The following BLOC1S3 variants were observed in gnomAD, a reference collection of about 807,000 sequenced individuals.
BLOC1S3 encodes biogenesis of lysosome-related organelles complex 1 subunit 3.
A neutral mutation model predicts 9.1 loss-of-function variants in BLOC1S3; 7 were observed. The ratio of observed to expected loss-of-function variants is 0.77; its 90% CI spans 0.44 to 1.45. The LOEUF (loss-of-function observed/expected upper bound fraction) is 1.45, where lower values mean the gene tolerates loss of function less well. BLOC1S3 is among the 40% of genes most tolerant of loss of function. The pLI, the probability that BLOC1S3 is intolerant of heterozygous loss-of-function variation, is 0.01. For synonymous variants in BLOC1S3, 145 were observed against 158.4 expected (o/e 0.92, Z 0.64); for missense variants, 307 against 315.2 (o/e 0.97, Z 0.20).
At chr19:45,178,903 C>T (rs1969459818) in intron 1 of BLOC1S3, 72 bp downstream of exon 1, 1 of 187,114 alleles carries the variant, frequency 5.3e-6, no homozygotes, top group Non-Finnish European at 1.1e-5. Context: ...GACTGTCATC[C>T]TTTCTGCGAC....
At chr19:45,194,537 A>C (rs1276998372) in intron 2 of BLOC1S3, among the ~76,000 whole-genome samples, 20 of 152,202 alleles carry the variant, frequency 1.3e-4, no homozygotes. Context: ...GCTTAGATAA[A>C]TTGTTTGTAC....
intron 2 of BLOC1S3, among the ~76,000 whole-genome samples, chr19:45,194,108 T>C (rs1969629908): frequency 1.6e-5 from 1 of 64,480 alleles, no homozygotes; most frequent in Non-Finnish European, 3.1e-5. Context: ...TGGCCTTTTT[T>C]TTTTTTTTTT....
In BLOC1S3 at chr19:45,179,678, G is replaced by A; in HGVS notation, c.382G>A (p.Val128Met). 6.8e-7 allele frequency: 1 copy of A among 1,466,608 alleles called. No individual in the cohort carries two copies. The highest frequency in any genetic ancestry group is 9.0e-7 in the Non-Finnish European group (1 of 1,114,910). The allele number at this position is 1,466,608 out of a possible 1,614,324, so 90.8% of individuals were successfully genotyped here. The change falls in exon 2 of 2, where the codon GTG (valine) becomes ATG (methionine). Residue 128 changes from valine (V) to methionine (M), a missense_variant. Coordinates refer to ENST00000433642, the MANE Select transcript of BLOC1S3 (RefSeq NM_212550.5). The surrounding 1 kb of genome is among the most constrained non-coding windows in gnomAD (Gnocchi z 4.6). ...ARLDHDVAAA[V>M]SGVYRRAGRD... ...GCTGGACCACGACGTGGCGGCCGCCGTGAGCGGTGTCTACCGCCGTGCAGG... is the reference window on the plus strand; with the variant it reads ...GCTGGACCACGACGTGGCGGCCGCCATGAGCGGTGTCTACCGCCGTGCAGG...
At chr19:45,209,580 C>G (rs927289872) in intron 3 of BLOC1S3, among the ~76,000 whole-genome samples, 2 of 152,046 alleles carry the variant, frequency 1.3e-5, no homozygotes, top group African/African-American at 2.4e-5. Context: ...TGCCACTACG[C>G]CCAGCTAATT....
At chr19:45,201,972 C>A (rs1435183068) in intron 2 of BLOC1S3, among the ~76,000 whole-genome samples, 1 of 151,944 alleles carries the variant, frequency 6.6e-6, no homozygotes, top group African/African-American at 2.4e-5. Flanking sequence ...GCCTGTAATC[C>A]CAGCACTTTG....
intron 3 of BLOC1S3, among the ~76,000 whole-genome samples, chr19:45,204,374 G>A (rs1258146605): frequency 2.0e-5 from 3 of 151,722 alleles, no homozygotes; most frequent in Non-Finnish European, 4.4e-5. Context: ...TGTATTTTCA[G>A]TAGAGACAGG....
chr19:45,188,009 CTA>C (rs1969578008), intron 2 of BLOC1S3, among the ~76,000 whole-genome samples: 1 of 151,948 alleles, frequency 6.6e-6, no homozygotes, highest in Non-Finnish European at 1.5e-5. Context: ...AGCATTTACT[CTA>C]TGTTACAATC....
intron 2 of BLOC1S3, among the ~76,000 whole-genome samples, chr19:45,188,312 C>T (rs111243475): frequency 0.049 from 7,482 of 151,850 alleles, 266 homozygotes; most frequent in East Asian, 0.13. Flanking sequence ...CATGAGCCAC[C>T]GCAACTGGTC....
rs146012224 is a variant in BLOC1S3 at position 45,209,972 on chromosome 19, C to T, written n.283-6704C>T. On this transcript the variant is annotated intron_variant and non_coding_transcript_variant, in intron 3 of 3. Coordinates refer to the BLOC1S3 transcript ENST00000591569. ...GTCTCCATCTCCTGACCTCGTGATC[C>T]GCCCACCTCAGCCACCTCCCAAAGT... 5.3e-5 allele frequency among the ~76,000 whole-genome samples: 8 copies of T among 151,978 alleles called. 1 individual carries two copies. The highest frequency in any genetic ancestry group is 6.8e-3 in the Middle Eastern group (2 of 294).
intron 2 of BLOC1S3, among the ~76,000 whole-genome samples, chr19:45,198,658 G>T (rs1414121061): frequency 6.6e-6 from 1 of 152,100 alleles, no homozygotes; most frequent in Non-Finnish European, 1.5e-5. Context: ...ACTGAAGTCT[G>T]CTGCCAGACG....
intron 2 of BLOC1S3, among the ~76,000 whole-genome samples, chr19:45,201,255 A>G (rs1308781192): frequency 1.3e-5 from 2 of 151,904 alleles, no homozygotes; most frequent in East Asian, 3.9e-4. Flanking sequence ...GTCTTGGTTA[A>G]GATTCAGGAG....
intron 3 of BLOC1S3, among the ~76,000 whole-genome samples, chr19:45,205,493 G>A (rs1475792304): frequency 6.6e-6 from 1 of 152,132 alleles, no homozygotes. Flanking sequence ...AAGACGTTCT[G>A]TACAAAAGTT....
Position 45,181,753 on chromosome 19 carries a change from T to C in BLOC1S3, c.*1848T>C, listed in dbSNP as rs1338292601. 6.0e-6 allele frequency: 1 copy of C among 167,042 alleles called. No homozygotes were observed. Among genetic ancestry groups the C allele is most frequent in the African/African-American group, 2.4e-5 (1 of 41,424 alleles). 10.3% of individuals were successfully genotyped at this position (167,042 alleles called of 1,614,324 possible). A position where few individuals can be genotyped will look rare whatever the true frequency, so the allele number is the denominator to read the frequency against. The stretch of plus-strand genomic sequence containing the variant: ...AGATCTGAGCCCCCAAGATGGAGAA[T>C]GGGGAGGAGCTTTTTATGGCGGACT... On this transcript the variant is annotated 3_prime_UTR_variant, in exon 2 of 2. Transcript: ENST00000433642.
At chr19:45,193,953 C>T (rs1969627170) in intron 2 of BLOC1S3, among the ~76,000 whole-genome samples, 1 of 119,876 alleles carries the variant, frequency 8.3e-6, no homozygotes. Flanking sequence ...CAGGCACCCA[C>T]CACCACGCCC....
rs1969493053 is a variant in BLOC1S3 at position 45,179,988 on chromosome 19, T to A, written c.*83T>A. The A allele has an allele frequency of 3.1e-5, 46 of 1,501,866 alleles. No individual in the cohort carries two copies. The highest frequency in any genetic ancestry group is 4.2e-5 in the Non-Finnish European group (46 of 1,105,858). 93.0% of individuals were successfully genotyped at this position (1,501,866 alleles called of 1,614,324 possible). A position where few individuals can be genotyped will look rare whatever the true frequency, so the allele number is the denominator to read the frequency against. ...GACCTGACTCTGTCTCCTGTGTCTC[T>A]TATCACCCCCCACCCCCGCTCCCAT... On this transcript the variant is annotated 3_prime_UTR_variant, in exon 2 of 2. Coordinates refer to ENST00000433642, the MANE Select transcript of BLOC1S3 (RefSeq NM_212550.5). This position sits in a 1 kb window ranked among gnomAD's most constrained non-coding sequence, Gnocchi z 4.6.
At chr19:45,195,851 T>C (rs1969644463) in intron 2 of BLOC1S3, among the ~76,000 whole-genome samples, 1 of 152,194 alleles carries the variant, frequency 6.6e-6, no homozygotes, top group African/African-American at 2.4e-5. Context: ...CGCCTTGGCC[T>C]CCCAAAGTGG....
At chr19:45,211,960 A>G (rs564109090) in intron 3 of BLOC1S3, among the ~76,000 whole-genome samples, 1 of 152,182 alleles carries the variant, frequency 6.6e-6, no homozygotes, top group Non-Finnish European at 1.5e-5. Flanking sequence ...GAGAGGCTGG[A>G]AATTTTCCCA....
intron 2 of BLOC1S3, among the ~76,000 whole-genome samples, chr19:45,193,712 G>T (rs79721607): frequency 6.0e-5 from 9 of 149,328 alleles, no homozygotes; most frequent in Non-Finnish European, 1.0e-4. Context: ...CCATCTGTTT[G>T]ACTTTTTAAA....
intron 2 of BLOC1S3, among the ~76,000 whole-genome samples, chr19:45,194,829 G>T (rs1453453149): frequency 2.0e-5 from 3 of 152,122 alleles, no homozygotes; most frequent in Admixed American, 6.6e-5. Flanking sequence ...CTGCATGAAG[G>T]GTTGCATCTG....
Sources: allele counts gnomAD v4.1 joint callset (sites outside exome capture counted in the v4.1 genomes callset), GRCh38; gene constraint gnomAD v4.1.1; non-coding constraint Gnocchi (gnomAD v3.1); transcripts MANE v1.5; gene names NCBI Gene and HGNC (gene_info 2026-07-23, HGNC 2026-07-21).